AHNAK: variants seen among roughly 807,000 people sequenced by gnomAD.
AHNAK encodes the protein neuroblast differentiation-associated protein AHNAK.
Under a neutral mutation model 37.8 loss-of-function variants are expected in AHNAK, and 23 were observed. That is an observed-to-expected ratio of 0.61 (90% CI 0.44 to 0.86). AHNAK has a LOEUF of 0.86. AHNAK is among the 40% of genes least tolerant of loss of function. The pLI is 0.00. For synonymous variants in AHNAK, 2,481 were observed against 2,636.3 expected, an observed-to-expected ratio of 0.94 and a Z score of 1.80; for missense variants, 7,411 against 7,319.4, an observed-to-expected ratio of 1.01 and a Z score of -0.46.
intron 5 of AHNAK, among the ~76,000 whole-genome samples, chr11:62,453,287 C>T (rs1012262541): frequency 1.3e-5 from 2 of 151,012 alleles, no homozygotes; most frequent in Admixed American, 6.6e-5. Flanking sequence ...AACTCGTCAT[C>T]AGCTTCCCTG....
At chr11:62,493,989 G>T (rs574421291) in intron 4 of AHNAK, among the ~76,000 whole-genome samples, 2 of 152,138 alleles carry the variant, frequency 1.3e-5, no homozygotes, top group South Asian at 4.2e-4. Flanking sequence ...TTGTGGCTTG[G>T]ATAGATGAAT....
At chr11:62,496,251 T>G (rs1326763479) in intron 4 of AHNAK, among the ~76,000 whole-genome samples, 1 of 152,018 alleles carries the variant, frequency 6.6e-6, no homozygotes, top group Non-Finnish European at 1.5e-5. Flanking sequence ...TTAAAACAAG[T>G]CACACTGCCT....
rs1383935720 is a variant in AHNAK at position 62,473,051 on chromosome 11, C to T, written c.442+18681G>A. Reference sequence around the variant, plus strand: ...AGTGAGCCAAGTTCACACCACTATACTCCACCCTGGGCAACAGAGCAAGAC... The same window carrying T: ...AGTGAGCCAAGTTCACACCACTATATTCCACCCTGGGCAACAGAGCAAGAC... On this transcript the variant is annotated intron_variant, in intron 5 of 5. Transcript: ENST00000257247. Among the ~76,000 whole-genome samples, 3 of 121,616 alleles carry T rather than the reference C, an allele frequency of 2.5e-5. No individual in the cohort carries two copies. In the East Asian group the frequency reaches 8.6e-4, roughly 35 times the overall value. The allele number at this position is 121,616 out of a possible 152,430, so 79.8% of individuals were successfully genotyped here. A position where few individuals can be genotyped will look rare whatever the true frequency, so the allele number is the denominator to read the frequency against.
At chr11:62,500,331 C>T (rs1463693636) in intron 4 of AHNAK, among the ~76,000 whole-genome samples, 2 of 152,164 alleles carry the variant, frequency 1.3e-5, no homozygotes, top group Non-Finnish European at 2.9e-5. Context: ...CTGAGGCCTT[C>T]AAATCATACT....
At chr11:62,438,904 A>G (rs1349009680) in intron 5 of AHNAK, among the ~76,000 whole-genome samples, 7 of 152,046 alleles carry the variant, frequency 4.6e-5, no homozygotes, top group South Asian at 4.2e-4. Context: ...TCATATGATA[A>G]TGACTTCCTG....
chr11:62,433,899 A>G, intron 5 of AHNAK: 1 of 1,613,242 alleles, frequency 6.2e-7, no homozygotes, highest in Non-Finnish European at 8.5e-7. Context: ...GTCCTGTAAA[A>G]CAACAACAAA....
At chr11:62,490,360 C>T (rs1375922021) in intron 5 of AHNAK, among the ~76,000 whole-genome samples, 1 of 151,904 alleles carries the variant, frequency 6.6e-6, no homozygotes, top group Non-Finnish European at 1.5e-5. Context: ...CGCCACCACG[C>T]CCGGCTAATT....
chr11:62,529,726 C>T lies in AHNAK; in HGVS notation c.4691G>A (p.Gly1564Asp), dbSNP rs1940654617. The T allele has an allele frequency of 1.2e-5, 20 of 1,613,888 alleles. No individual in the cohort carries two copies. Among genetic ancestry groups the T allele is most frequent in the African/African-American group, 4.0e-5 (3 of 74,880 alleles). Residue 1564 changes from glycine to aspartate, a missense_variant, in exon 5 of 5, where the codon GGC becomes GAC. Transcript: ENST00000378024. The stretch of plus-strand genomic sequence containing the variant: ...CATGCTTGGCATCTTGAACTTAGGG[C>T]CTTTTAGTTTCCCCTCTGGAGCTTC... ...NLEAPEGKLK[G>D]PKFKMPSMNI...
At position 62,519,619 on chromosome 11, in the gene AHNAK, GA is replaced by G; in HGVS notation, c.14797del (p.Ser4933GlnfsTer5). 6.2e-7 allele frequency: 1 copy of G among 1,613,690 alleles called. No individual in the cohort carries two copies. The highest frequency in any genetic ancestry group is 8.5e-7 in the Non-Finnish European group (1 of 1,179,902). On this transcript the variant is annotated frameshift_variant, in exon 5 of 5. Coordinates refer to ENST00000378024, the MANE Select transcript of AHNAK (RefSeq NM_001620.3). LOFTEE classifies it low-confidence loss of function (END_TRUNC). ...LHLKAPKIGF[S>X]GPKLEGGEVD... ...TTCACCACCTTCTAACTTCGGACCT[GA>G]AAATCCAATTTTTGGTGCCTTGAGA...
intron 1 of AHNAK, among the ~76,000 whole-genome samples, chr11:62,538,779 C>T (rs975273955): frequency 6.6e-6 from 1 of 152,160 alleles, no homozygotes; most frequent in African/African-American, 2.4e-5. Context: ...TAGCTGTGAC[C>T]GATTTTGCCG....
At chr11:62,475,921 C>T (rs933031891) in intron 5 of AHNAK, among the ~76,000 whole-genome samples, 5 of 152,100 alleles carry the variant, frequency 3.3e-5, no homozygotes, top group African/African-American at 7.2e-5. Context: ...CACTTGAAGG[C>T]GCATTTCTCG....
rs982852599 is a variant in AHNAK, at chr11:62,532,710, G to T, written c.1707C>A (p.Ile569=). 2.7e-5 allele frequency: 44 copies of T among 1,613,962 alleles called. No homozygotes were observed. The highest frequency in any genetic ancestry group is 3.6e-5 in the Non-Finnish European group (43 of 1,179,978). Residue 569 remains isoleucine, a synonymous_variant, in exon 5 of 5, where the codon ATC becomes ATA. Coordinates refer to ENST00000378024, the MANE Select transcript of AHNAK (RefSeq NM_001620.3). The part of the protein sequence containing the change: ...SPSGKTGTCR[I]SMSEVDLNVA... Reference sequence around the variant, plus strand: ...CATTTAAGTCTACTTCTGACATAGAGATCCTACAGGTTCCGGTTTTCCCGG... The same window carrying T: ...CATTTAAGTCTACTTCTGACATAGATATCCTACAGGTTCCGGTTTTCCCGG...
chr11:62,479,167 C>CT (rs33929407), intron 5 of AHNAK, among the ~76,000 whole-genome samples: 91,484 of 116,394 alleles, frequency 0.79, 36,988 homozygotes, highest in South Asian at 0.9. Context: ...TTTCTTTTTT[C>CT]TTTTTTTTTT....
At chr11:62,451,050 G>C (rs1239640823) in intron 5 of AHNAK, among the ~76,000 whole-genome samples, 2 of 145,646 alleles carry the variant, frequency 1.4e-5, no homozygotes, top group African/African-American at 4.9e-5. Context: ...AGCTAGGCAG[G>C]GGGCAGGCTC....
In AHNAK at chr11:62,531,676, C is replaced by T. The variant is rs147065203; in HGVS notation, c.2741G>A (p.Gly914Asp). 44 of 1,613,950 alleles carry T rather than the reference C, an allele frequency of 2.7e-5. No individual in the cohort carries two copies. The South Asian group carries it at 4.3e-4, about 16-fold the overall frequency. The change falls in exon 5 of 5, where the codon GGT (glycine) becomes GAT (aspartate). Residue 914 changes from glycine (G) to aspartate (D), a missense_variant. By Grantham distance (94) the Gly-to-Asp change is moderately conservative. Coordinates refer to ENST00000378024, the MANE Select transcript of AHNAK (RefSeq NM_001620.3). Reference protein sequence around the residue: ...ADVDISGPKVGVEVPDVNIEG... With the variant: ...ADVDISGPKVDVEVPDVNIEG... ...AATATTCACATCTGGAACTTCAACA[C>T]CCACCTTGGGTCCTGAGATGTCCAC...
chr11:62,489,219 TC>T (rs1197554710), intron 5 of AHNAK, among the ~76,000 whole-genome samples: 1 of 146,468 alleles, frequency 6.8e-6, no homozygotes, highest in Non-Finnish European at 1.5e-5. Flanking sequence ...CCAGCCTGGG[TC>T]ACAGAGTGAG....
Position 62,530,965 on chromosome 11 carries a change from G to A in AHNAK, c.3452C>T (p.Pro1151Leu), listed in dbSNP as rs770615286. Residue 1151 changes from proline to leucine, a missense_variant, in exon 5 of 5, where the codon CCT becomes CTT. Pro to Leu is a moderately conservative substitution (Grantham distance 98). Transcript: ENST00000378024. ...TCCTGAGACAACAACGTCAGCCTTA[G>A]GCAAGTTCACATCCACTTCTGGGCC... is the stretch of plus-strand genomic sequence containing the variant. The part of the protein sequence containing the change: ...GEGPEVDVNL[P>L]KADVVVSGPK... The A allele has an allele frequency of 6.2e-7, 1 of 1,613,996 alleles. No individual in the cohort carries two copies. Among genetic ancestry groups the A allele is most frequent in the Admixed American group, 1.7e-5 (1 of 60,004 alleles).
Position 62,532,334 on chromosome 11 carries a change from G to C in AHNAK, c.2083C>G (p.Pro695Ala). ...TCTACATCAGGCATGGAGATCTTTG[G>C]TGTCTTGACACTCATATCAGGCAGC... Reference protein sequence around the residue: ...VKLPDMSVKTPKISMPDVDLH... With the variant: ...VKLPDMSVKTAKISMPDVDLH... The change falls in exon 5 of 5, where the codon CCA becomes GCA. Residue 695 changes from proline (P) to alanine (A), a missense_variant. Physicochemically the swap from Pro to Ala is conservative, Grantham distance 27 (BLOSUM62 -1). Coordinates refer to ENST00000378024, the MANE Select transcript of AHNAK (RefSeq NM_001620.3). 1.2e-6 allele frequency: 2 copies of C among 1,614,108 alleles called. No homozygotes were observed. The highest frequency in any genetic ancestry group is 1.3e-5 in the African/African-American group (1 of 75,012).
At position 62,518,411 on chromosome 11, in the gene AHNAK, C is replaced by T. The variant is rs114592202; in HGVS notation, c.16006G>A (p.Gly5336Ser). Residue 5336 changes from glycine to serine, a missense_variant, in exon 5 of 5, where the codon GGC (glycine) becomes AGC (serine). Transcript: ENST00000378024. Reference protein sequence around the residue: ...APGLNLSGVGGKMQVGGDGVK... With the variant: ...APGLNLSGVGSKMQVGGDGVK... ...CCGTCTCCTCCCACCTGCATTTTGC[C>T]ACCGACACCACTGAGGTTGAGCCCT... The T allele has an allele frequency of 1.9e-6, 3 of 1,614,154 alleles. No individual in the cohort carries two copies. The highest frequency in any genetic ancestry group is 2.5e-6 in the Non-Finnish European group (3 of 1,180,032).
Sources: allele counts gnomAD v4.1 joint callset (sites outside exome capture counted in the v4.1 genomes callset), GRCh38; gene constraint gnomAD v4.1.1; transcripts MANE v1.5; gene names NCBI Gene and HGNC (gene_info 2026-07-23, HGNC 2026-07-21).